ANO10: variants seen among roughly 807,000 people sequenced by gnomAD.
ANO10 encodes the protein anoctamin 10.
In ANO10, 77 loss-of-function variants were observed where a neutral mutation model predicts 74.7. The observed-to-expected ratio is 1.03, with a 90% confidence interval of 0.86 to 1.25. The LOEUF (loss-of-function observed/expected upper bound fraction) is 1.25, where lower values mean the gene tolerates loss of function less well. Ranked by LOEUF, ANO10 falls within the 50% of genes most tolerant of loss-of-function variation. The probability of loss-of-function intolerance (pLI) is 0.00; values close to 1 mark genes in which losing one functional copy is unlikely to be tolerated. For synonymous variants in ANO10, 279 were observed against 284.9 expected (o/e 0.98, Z 0.21); for missense variants, 721 against 778.1 (o/e 0.93, Z 0.87).
chr3:43,558,201 T>G (rs1296864016), intron 9 of ANO10, among the ~76,000 whole-genome samples: 1 of 151,710 alleles, frequency 6.6e-6, no homozygotes, highest in Non-Finnish European at 1.5e-5. Flanking sequence ...TTTTGAAAAA[T>G]AATTACATTT....
intron 1 of ANO10, among the ~76,000 whole-genome samples, chr3:43,653,413 G>C (rs1024738772): frequency 6.6e-6 from 1 of 152,128 alleles, no homozygotes; most frequent in Non-Finnish European, 1.5e-5. Flanking sequence ...TTTGAAAGAA[G>C]TAAAATACAC....
chr3:43,401,653 A>T (rs891722888), intron 12 of ANO10, among the ~76,000 whole-genome samples: 2 of 152,254 alleles, frequency 1.3e-5, no homozygotes, highest in Non-Finnish European at 2.9e-5. Context: ...TAAAATCGGG[A>T]CAATTCTACA....
intron 1 of ANO10, among the ~76,000 whole-genome samples, chr3:43,666,872 T>G (rs911087593): frequency 3.3e-5 from 5 of 152,160 alleles, no homozygotes; most frequent in South Asian, 4.1e-4. Flanking sequence ...TTGTACACCT[T>G]AAATATATAC....
At chr3:43,397,931 T>C (rs56023784) in intron 12 of ANO10, among the ~76,000 whole-genome samples, 25,404 of 152,192 alleles carry the variant, frequency 0.17, 2,304 homozygotes, top group Admixed American at 0.22. Flanking sequence ...TTGTCTGTTT[T>C]GGGGGGTTCT....
intron 1 of ANO10, among the ~76,000 whole-genome samples, chr3:43,617,706 A>C (rs1233163561): frequency 2.0e-5 from 3 of 152,144 alleles, no homozygotes; most frequent in Non-Finnish European, 4.4e-5. Flanking sequence ...TCTGGGGATT[A>C]TTCTTTTCCT....
chr3:43,527,124 G>C (rs2078241473), intron 11 of ANO10, among the ~76,000 whole-genome samples: 1 of 151,408 alleles, frequency 6.6e-6, no homozygotes, highest in Non-Finnish European at 1.5e-5. Flanking sequence ...TAGATTTATG[G>C]ACTCATCTGT....
At chr3:43,638,641 A>G (rs2083637573) in intron 1 of ANO10, 3 of 152,206 alleles carry the variant, frequency 2.0e-5, no homozygotes, top group African/African-American at 7.2e-5. Context: ...CAAGGGCCTG[A>G]TTCCCAGCAC....
chr3:43,394,464 C>T (rs2092339558), intron 12 of ANO10, among the ~76,000 whole-genome samples: 1 of 152,160 alleles, frequency 6.6e-6, no homozygotes, highest in Admixed American at 6.5e-5. Context: ...TATTTGTTTT[C>T]CTGGCTCCCT....
At chr3:43,682,180 T>C (rs963656627) in intron 1 of ANO10, among the ~76,000 whole-genome samples, 2 of 151,944 alleles carry the variant, frequency 1.3e-5, no homozygotes, top group Admixed American at 6.6e-5. Context: ...GATAGACCGC[T>C]AGCAAGACTA....
chr3:43,585,596 C>T (rs1306569515), intron 4 of ANO10, among the ~76,000 whole-genome samples: 1 of 152,196 alleles, frequency 6.6e-6, no homozygotes, highest in Non-Finnish European at 1.5e-5. Flanking sequence ...TTTTCTCAGT[C>T]CCAACCACAT....
intron 12 of ANO10, among the ~76,000 whole-genome samples, chr3:43,409,836 G>T (rs2092636160): frequency 6.6e-6 from 1 of 152,144 alleles, no homozygotes; most frequent in East Asian, 1.9e-4. Flanking sequence ...TAAAGAAAAG[G>T]ACCATCAAAG....
At chr3:43,485,285 G>T in intron 11 of ANO10, 1 of 593,084 alleles carries the variant, frequency 1.7e-6, no homozygotes, top group Non-Finnish European at 3.0e-6. Flanking sequence ...CTTTGCCACC[G>T]TCGCAGACCC....
chr3:43,536,786 A>G (rs926049641), intron 11 of ANO10, among the ~76,000 whole-genome samples: 1 of 152,132 alleles, frequency 6.6e-6, no homozygotes, highest in Non-Finnish European at 1.5e-5. Flanking sequence ...AAAAAGAAAA[A>G]AAATCTACTT....
At chr3:43,676,225 G>A (rs1169361489) in intron 1 of ANO10, among the ~76,000 whole-genome samples, 1 of 151,982 alleles carries the variant, frequency 6.6e-6, no homozygotes, top group African/African-American at 2.4e-5. Context: ...TTTGGGAGGC[G>A]AGGTGAGAGG....
intron 11 of ANO10, among the ~76,000 whole-genome samples, chr3:43,515,493 G>C (rs1171933549): frequency 6.6e-6 from 1 of 152,030 alleles, no homozygotes; most frequent in Non-Finnish European, 1.5e-5. Flanking sequence ...TGTGGATCTT[G>C]AGTTGGGGCT....
At chr3:43,668,981 T>C (rs922784140) in intron 1 of ANO10, among the ~76,000 whole-genome samples, 2 of 152,188 alleles carry the variant, frequency 1.3e-5, no homozygotes, top group Non-Finnish European at 2.9e-5. Context: ...ATTTTAGTTG[T>C]TGCCCAAGAG....
chr3:43,543,652 G>T (rs2079054105), intron 11 of ANO10, among the ~76,000 whole-genome samples: 1 of 152,230 alleles, frequency 6.6e-6, no homozygotes, highest in Non-Finnish European at 1.5e-5. Flanking sequence ...CTCCCAAAGT[G>T]CTAGGATTAC....
At position 43,600,634 on chromosome 3, in the gene ANO10, C is replaced by A. The variant is rs6441785; in HGVS notation, c.140-53G>T. 0.74 allele frequency: 1,053,765 copies of A among 1,431,746 alleles called. 389,455 individuals carry two copies. Among genetic ancestry groups the A allele is most frequent in the East Asian group, 0.9 (38,315 of 42,756 alleles). The allele number at this position is 1,431,746 out of a possible 1,614,324, so 88.7% of individuals were successfully genotyped here. A position where few individuals can be genotyped will look rare whatever the true frequency, so the allele number is the denominator to read the frequency against. On this transcript the variant is annotated intron_variant, in intron 2 of 12. Transcript: ENST00000292246. ...TTAGACAAACATAAAAGTTTCAAAA[C>A]TAAAAACTTTCTAAATAAATATAAT...
At chr3:43,512,089 G>A (rs1158832779) in intron 11 of ANO10, among the ~76,000 whole-genome samples, 2 of 150,572 alleles carry the variant, frequency 1.3e-5, no homozygotes, top group African/African-American at 4.9e-5. Flanking sequence ...CCCCGGATGT[G>A]GGGACTTTTA....
Sources: gnomAD v4.1 joint callset for allele counts (sites outside exome capture counted in the v4.1 genomes callset) on GRCh38, gnomAD v4.1.1 for gene constraint, MANE v1.5 for transcripts, NCBI Gene and HGNC (gene_info 2026-07-23, HGNC 2026-07-21) for gene names.